UTP6: variants seen among roughly 807,000 people sequenced by gnomAD.
The protein encoded by UTP6 is U3 small nucleolar RNA-associated protein 6 homolog.
UTP6 carries 60 observed loss-of-function variants against 96.5 expected under a neutral mutation model. The observed-to-expected ratio is 0.62, with a 90% confidence interval of 0.51 to 0.77. UTP6 has a LOEUF of 0.77. Ranked by LOEUF, UTP6 falls within the 30% of genes least tolerant of loss-of-function variation. UTP6 has a pLI of 0.00. For synonymous variants in UTP6, 215 were observed against 240.1 expected (o/e 0.90, Z 0.96); for missense variants, 637 against 706.5 (o/e 0.90, Z 1.12).
At chr17:31,887,079 T>C (rs1405027484) in intron 8 of UTP6, among the ~76,000 whole-genome samples, 157 bp downstream of exon 8, 1 of 151,820 alleles carries the variant, frequency 6.6e-6, no homozygotes, top group African/African-American at 2.4e-5. Context: ...GCCAAGATGG[T>C]GCCACTGCAC....
At chr17:31,893,793 A>G (rs1598117920) in intron 4 of UTP6, among the ~76,000 whole-genome samples, 2 of 151,030 alleles carry the variant, frequency 1.3e-5, no homozygotes, top group African/African-American at 4.9e-5. Flanking sequence ...CTCTCATCCT[A>G]TCTGGCTCTT....
Position 31,880,746 on chromosome 17 carries a change from G to T in UTP6, c.794C>A (p.Ala265Asp), listed in dbSNP as rs1233784797. Residue 265 changes from alanine to aspartate, a missense_variant, in exon 11 of 19, where the codon GCT (alanine) becomes GAT (aspartate). Physicochemically the swap from Ala to Asp is moderately radical, Grantham distance 126. Transcript: ENST00000261708. Reference protein sequence around the residue: ...LQKEIYDDLQALHTDDPLTWD... With the variant: ...LQKEIYDDLQDLHTDDPLTWD... ...AGTGAGAGGATCATCTGTGTGTAGA[G>T]CCTGAAGGCTGAAAAATACAATTTA... 3.1e-6 allele frequency: 5 copies of T among 1,613,744 alleles called. No homozygotes were observed. Among genetic ancestry groups the T allele is most frequent in the Non-Finnish European group, 4.2e-6 (5 of 1,179,966 alleles).
chr17:31,876,798 G>A (rs1910527026), intron 13 of UTP6, among the ~76,000 whole-genome samples: 1 of 151,994 alleles, frequency 6.6e-6, no homozygotes, highest in Non-Finnish European at 1.5e-5. Flanking sequence ...GATCACCTGA[G>A]GTCAAGAGCT....
At chr17:31,882,035 G>C (rs955073010) in intron 10 of UTP6, among the ~76,000 whole-genome samples, 2 of 151,878 alleles carry the variant, frequency 1.3e-5, no homozygotes, top group African/African-American at 4.8e-5. Context: ...GTGTGTGTTT[G>C]TGTGTGTGTT....
chr17:31,878,119 C>T (rs1910606020), intron 13 of UTP6, 131 bp downstream of exon 13: 1 of 803,404 alleles, frequency 1.2e-6, no homozygotes, highest in Non-Finnish European at 2.0e-6. Context: ...CACATATAAA[C>T]ACACTTCACA....
chr17:31,861,647 A>G lies in UTP6; in HGVS notation c.*1712T>C, dbSNP rs1909563258. 6.6e-6 allele frequency: 1 copy of G among 152,176 alleles called. No individual in the cohort carries two copies. Among genetic ancestry groups the G allele is most frequent in the Non-Finnish European group, 1.5e-5 (1 of 68,038 alleles). 9.4% of individuals were successfully genotyped at this position (152,176 alleles called of 1,614,324 possible). On this transcript the variant is annotated 3_prime_UTR_variant, in exon 19 of 19. Coordinates refer to ENST00000261708, the MANE Select transcript of UTP6 (RefSeq NM_018428.3). ...AAAAAAAATTAACTCATAAATTAGT[A>G]AGAAAAAAAATTTTTAAATAGTCTA...
chr17:31,896,573 G>A (rs1904661010), intron 2 of UTP6, among the ~76,000 whole-genome samples: 1 of 151,390 alleles, frequency 6.6e-6, no homozygotes, highest in Admixed American at 6.6e-5. Flanking sequence ...ATTATGTGTT[G>A]TAAATATTTT....
chr17:31,884,392 G>C, intron 10 of UTP6, 32 bp downstream of exon 10: 1 of 1,518,116 alleles, frequency 6.6e-7, no homozygotes, highest in Non-Finnish European at 9.0e-7. Flanking sequence ...ATCAGAAATA[G>C]ATATATTCAC....
intron 18 of UTP6, among the ~76,000 whole-genome samples, chr17:31,864,802 A>G (rs1188862152): frequency 6.8e-6 from 1 of 147,164 alleles, no homozygotes; most frequent in Non-Finnish European, 1.5e-5. Context: ...TTTTTTTTTT[A>G]TTGTTTGTAG....
chr17:31,888,566 G>A (rs193202140), intron 7 of UTP6, among the ~76,000 whole-genome samples: 11 of 152,102 alleles, frequency 7.2e-5, no homozygotes, highest in South Asian at 2.1e-4. Flanking sequence ...AAAATTAGCC[G>A]GACGTGGGAT....
intron 17 of UTP6, chr17:31,866,763 T>G (rs1909845477): frequency 6.8e-6 from 1 of 147,082 alleles, no homozygotes; most frequent in South Asian, 2.2e-4. Flanking sequence ...CAGGGGCCTG[T>G]AATCCCAGCT....
At chr17:31,892,705 A>G in intron 5 of UTP6, 42 bp downstream of exon 5, 2 of 1,613,486 alleles carry the variant, frequency 1.2e-6, no homozygotes, top group Non-Finnish European at 1.7e-6. Context: ...AGATTAACAA[A>G]AAGACGGTCA....
At chr17:31,863,561 T>C in intron 18 of UTP6, 45 bp from the exon 19 acceptor site, 3 of 1,503,364 alleles carry the variant, frequency 2.0e-6, no homozygotes, top group Admixed American at 2.1e-5. Context: ...CAGAGTGTTA[T>C]TAGGTAACCT....
At chr17:31,901,364 C>A in intron 1 of UTP6, 172 bp downstream of exon 1, 1 of 635,008 alleles carries the variant, frequency 1.6e-6, no homozygotes, top group East Asian at 2.8e-5. Context: ...GACGGATTAC[C>A]TTGCAACGAA....
Position 31,899,721 on chromosome 17 carries a change from A to C in UTP6, c.102T>G (p.Ile34Met), listed in dbSNP as rs755763826. 1.4e-5 allele frequency: 23 copies of C among 1,597,348 alleles called. No individual in the cohort carries two copies. The highest frequency in any genetic ancestry group is 1.8e-5 in the Non-Finnish European group (21 of 1,172,212). ...TGTACTCTAGATCGGAAGCCTTCTTAATGATAGCCCTGAGGAGAAAGCCAT... is the reference window on the plus strand; with the variant it reads ...TGTACTCTAGATCGGAAGCCTTCTTCATGATAGCCCTGAGGAGAAAGCCAT... ...LFSHAEIKAI[I>M]KKASDLEYKI... Residue 34 changes from isoleucine to methionine, a missense_variant, in exon 2 of 19, where the codon ATT (isoleucine) becomes ATG (methionine). Coordinates refer to ENST00000261708, the MANE Select transcript of UTP6 (RefSeq NM_018428.3).
intron 7 of UTP6, chr17:31,887,785 AC>A (rs1381722686): frequency 6.6e-6 from 1 of 151,216 alleles, no homozygotes; most frequent in Non-Finnish European, 1.5e-5. Flanking sequence ...ACATGGTAAA[AC>A]CCCATCTCTA....
chr17:31,878,663 ACTAT>A (rs1337286125), intron 12 of UTP6, 35 bp downstream of exon 12: 2 of 1,571,698 alleles, frequency 1.3e-6, no homozygotes, highest in Non-Finnish European at 1.7e-6. Flanking sequence ...GAAGGCAGTC[ACTAT>A]CTAGTCAACC....
At chr17:31,886,273 C>A (rs1405155869) in intron 8 of UTP6, among the ~76,000 whole-genome samples, 1 of 152,174 alleles carries the variant, frequency 6.6e-6, no homozygotes, top group African/African-American at 2.4e-5. Context: ...AGAGTGGTGG[C>A]AAGATCACAT....
chr17:31,879,884 C>T (rs1362440270), intron 11 of UTP6, among the ~76,000 whole-genome samples: 1 of 151,144 alleles, frequency 6.6e-6, no homozygotes, highest in African/African-American at 2.4e-5. Context: ...AGTGAGCAAA[C>T]CACCTGAGGT....
Sources: allele counts gnomAD v4.1 joint callset (sites outside exome capture counted in the v4.1 genomes callset), GRCh38; gene constraint gnomAD v4.1.1; transcripts MANE v1.5; gene names NCBI Gene and HGNC (gene_info 2026-07-23, HGNC 2026-07-21).